TNS1: variants seen among roughly 807,000 people sequenced by gnomAD.
TNS1 encodes tensin-1.
Under a neutral mutation model 168.6 loss-of-function variants are expected in TNS1, and 62 were observed. That is an observed-to-expected ratio of 0.37 (90% confidence interval 0.30 to 0.45). TNS1 has a LOEUF of 0.45. Among genes scored for constraint, TNS1 ranks in the 20% least tolerant of loss-of-function variants. The probability of loss-of-function intolerance (pLI) is 1.00; values close to 1 mark genes in which losing one functional copy is unlikely to be tolerated. For synonymous variants in TNS1, 934 were observed against 933.2 expected, an observed-to-expected ratio of 1.00 and a Z score of -0.02; for missense variants, 2,240 against 2,339.4, an observed-to-expected ratio of 0.96 and a Z score of 0.88.
At position 217,991,031 on chromosome 2, in the gene TNS1, G is replaced by A. The variant is rs1958353348; in HGVS notation, c.59C>T (p.Thr20Ile). ...LWPEDLEAPKTHRFKVKTFKK... is the reference protein window; with the variant it reads ...LWPEDLEAPKIHRFKVKTFKK... Reference sequence around the variant, plus strand: ...GAAGGTCTTCACCTTGAAGCGGTGTGTCTTGGGGGCCTCCAGATCCTCTGG... The same window carrying A: ...GAAGGTCTTCACCTTGAAGCGGTGTATCTTGGGGGCCTCCAGATCCTCTGG... Residue 20 changes from threonine to isoleucine, a missense_variant, in exon 2 of 33, where the codon ACA becomes ATA. Physicochemically the swap from Thr to Ile is moderately conservative, Grantham distance 89 (BLOSUM62 -1). Transcript: ENST00000682258. 2.9e-6 allele frequency: 2 copies of A among 687,492 alleles called. No individual in the cohort carries two copies. The highest frequency in any genetic ancestry group is 2.0e-5 in the Admixed American group (1 of 49,544). The allele number at this position is 687,492 out of a possible 1,614,324, so 42.6% of individuals were successfully genotyped here.
intron 3 of TNS1, among the ~76,000 whole-genome samples, chr2:217,949,755 G>T (rs867753898): frequency 3.3e-5 from 5 of 151,662 alleles, no homozygotes; most frequent in Non-Finnish European, 7.4e-5. Flanking sequence ...AAAAAGAAAA[G>T]AAAAGAAAAA....
At chr2:217,884,763 G>C (rs1331125148) in intron 16 of TNS1, among the ~76,000 whole-genome samples, 1 of 152,150 alleles carries the variant, frequency 6.6e-6, no homozygotes, top group Non-Finnish European at 1.5e-5. Context: ...AGATGAAGGA[G>C]AGACAGGGAA....
At chr2:218,016,299 C>T (rs1393145019) in intron 1 of TNS1, among the ~76,000 whole-genome samples, 4 of 152,100 alleles carry the variant, frequency 2.6e-5, no homozygotes, top group South Asian at 2.1e-4. Flanking sequence ...AGAGAGGCTG[C>T]GACAGTGACA....
At position 217,809,798 on chromosome 2, in the gene TNS1, C is replaced by T. The variant is rs201599559; in HGVS notation, c.5273+25G>A. ...TGAGTCACAGGAAGGAGAACCCCAC[C>T]GAGGAGCAGGCAGGGGAGTCTTACT... is the stretch of plus-strand genomic sequence containing the variant. On this transcript the variant is annotated intron_variant, in intron 30 of 32. Coordinates refer to ENST00000682258, the MANE Select transcript of TNS1 (RefSeq NM_001387777.1). The T allele has an allele frequency of 1.6e-5, 25 of 1,603,278 alleles. No homozygotes were observed. The East Asian group carries it at 1.6e-4, about 10-fold the overall frequency.
intron 22 of TNS1, among the ~76,000 whole-genome samples, 197 bp downstream of exon 22, chr2:217,831,258 A>C (rs1944382543): frequency 6.6e-6 from 1 of 152,186 alleles, no homozygotes; most frequent in Non-Finnish European, 1.5e-5. Flanking sequence ...TGCAAACTCC[A>C]CAAGTCAACA....
At chr2:217,998,268 A>C (rs1958505393) in intron 1 of TNS1, among the ~76,000 whole-genome samples, 4 of 147,512 alleles carry the variant, frequency 2.7e-5, no homozygotes, top group Non-Finnish European at 4.5e-5. Context: ...AGTTCTCTCC[A>C]TCAGCATCTC....
intron 3 of TNS1, among the ~76,000 whole-genome samples, chr2:217,966,844 C>A (rs1170560653): frequency 6.6e-6 from 1 of 152,218 alleles, no homozygotes; most frequent in Admixed American, 6.5e-5. Context: ...ACATTAGAGC[C>A]AGACTCTCAG....
chr2:217,925,413 C>A (rs537784847), intron 3 of TNS1, among the ~76,000 whole-genome samples: 1 of 152,166 alleles, frequency 6.6e-6, no homozygotes, highest in African/African-American at 2.4e-5. Flanking sequence ...AAAGAGCCAA[C>A]CTCTCAGCCT....
At chr2:217,953,609 G>C (rs1030729880) in intron 3 of TNS1, among the ~76,000 whole-genome samples, 6 of 152,128 alleles carry the variant, frequency 3.9e-5, no homozygotes, top group Non-Finnish European at 8.8e-5. Context: ...AGTTCCACTT[G>C]CCTTTGCCCA....
chr2:217,983,178 C>T (rs1444005232), intron 2 of TNS1, among the ~76,000 whole-genome samples: 1 of 152,186 alleles, frequency 6.6e-6, no homozygotes, highest in Non-Finnish European at 1.5e-5. Context: ...CATTTCTCAT[C>T]AGAAGGATGG....
chr2:217,857,676 G>A (rs1045099048), intron 18 of TNS1, among the ~76,000 whole-genome samples: 6 of 152,310 alleles, frequency 3.9e-5, no homozygotes, highest in East Asian at 1.9e-4. Context: ...GAGAGACCAG[G>A]GGCCTGGAGG....
intron 3 of TNS1, among the ~76,000 whole-genome samples, chr2:217,959,952 T>A (rs1056084443): frequency 7.2e-5 from 11 of 152,150 alleles, no homozygotes; most frequent in African/African-American, 2.2e-4. Flanking sequence ...AGAGTGTTTA[T>A]CATCATCCTC....
At chr2:217,927,816 G>A (rs986760915) in intron 3 of TNS1, among the ~76,000 whole-genome samples, 34 of 152,162 alleles carry the variant, frequency 2.2e-4, no homozygotes, top group African/African-American at 8.2e-4. Flanking sequence ...TCACCCTCTG[G>A]GCCCTGCCCC....
In TNS1 at chr2:218,018,188, G is replaced by T. The variant is rs1427674; in HGVS notation, c.156+15632C>A. 1.6e-3 allele frequency among the ~76,000 whole-genome samples: 239 copies of T among 152,156 alleles called. 7 individuals are homozygous for T. The South Asian group carries it at 0.045, about 29-fold the overall frequency. On this transcript the variant is annotated intron_variant, in intron 1 of 1. Coordinates refer to the TNS1 transcript ENST00000649572. ...AACTCAAGACAAACACCAGGAAACA[G>T]GCTAGGACTAAAGCAAAAAATACTC...
Position 217,885,737 on chromosome 2 carries a change from C to T in TNS1, c.1116+7G>A, listed in dbSNP as rs1192510582. 6.2e-7 allele frequency: 1 copy of T among 1,612,940 alleles called. No individual in the cohort carries two copies. Among genetic ancestry groups the T allele is most frequent in the Admixed American group, 1.7e-5 (1 of 60,014 alleles). ...GGATGGGGCTTGACACAGAGGACAG[C>T]ACTCACCAAGATGTCTCCCTTCAAG... On this transcript the variant is annotated splice_region_variant and intron_variant, in intron 15 of 32. Transcript: ENST00000682258.
chr2:217,919,609 G>T (rs963599039), intron 4 of TNS1, among the ~76,000 whole-genome samples: 3 of 152,246 alleles, frequency 2.0e-5, no homozygotes, highest in Admixed American at 2.0e-4. Flanking sequence ...TGGCATCAGG[G>T]TGGAGCAGGG....
At chr2:217,853,777 C>T (rs1244140179) in intron 18 of TNS1, among the ~76,000 whole-genome samples, 1 of 152,212 alleles carries the variant, frequency 6.6e-6, no homozygotes, top group Non-Finnish European at 1.5e-5. Context: ...ACGAGTCATG[C>T]TTTTGGAAAG....
chr2:218,003,715 C>T (rs1250241444), upstream of TNS1, among the ~76,000 whole-genome samples: 3 of 151,962 alleles, frequency 2.0e-5, no homozygotes, highest in Admixed American at 6.5e-5. Context: ...TCCAGGCTCC[C>T]GCGAGAGTGT....
intron 3 of TNS1, among the ~76,000 whole-genome samples, chr2:217,959,965 G>C (rs567765990): frequency 6.6e-6 from 1 of 152,082 alleles, no homozygotes; most frequent in Non-Finnish European, 1.5e-5. Context: ...TCATCCTCAC[G>C]TGTGAAGGGA....
Sources: gnomAD v4.1 joint callset for allele counts (sites outside exome capture counted in the v4.1 genomes callset) on GRCh38, gnomAD v4.1.1 for gene constraint, MANE v1.5 for transcripts, NCBI Gene and HGNC (gene_info 2026-07-23, HGNC 2026-07-21) for gene names.